The following PNKD variants were observed in gnomAD, a reference collection of about 807,000 sequenced individuals.
The protein encoded by PNKD is PNKD metallo-beta-lactamase domain containing.
Under a neutral mutation model 45.3 loss-of-function variants are expected in PNKD, and 36 were observed. The observed-to-expected ratio is 0.80, with a 90% CI of 0.61 to 1.05. The LOEUF is 1.05. Ranked by LOEUF, PNKD falls within the 50% of genes least tolerant of loss-of-function variation. The pLI, the probability that PNKD is intolerant of heterozygous loss-of-function variation, is 0.00. For synonymous variants in PNKD, 197 were observed against 210.1 expected (o/e 0.94, Z 0.54); for missense variants, 511 against 506.6 (o/e 1.01, Z -0.08).
chr2:218,325,198 CTT>C (rs746439948), intron 2 of PNKD, among the ~76,000 whole-genome samples: 30 of 39,762 alleles, frequency 7.5e-4, no homozygotes, highest in African/African-American at 3.5e-3. Context: ...CGCACCCGGC[CTT>C]TTTTTTTTTT....
chr2:218,271,690 A>C, intron 2 of PNKD, 141 bp downstream of exon 2: 10 of 718,422 alleles, frequency 1.4e-5, no homozygotes, highest in Non-Finnish European at 2.4e-5. Flanking sequence ...TTGGAATCTC[A>C]GAGGGGTGGG....
intron 2 of PNKD, chr2:218,279,632 A>C (rs1574636958): frequency 2.1e-6 from 1 of 486,134 alleles, no homozygotes; most frequent in Non-Finnish European, 3.7e-6. Flanking sequence ...TGGCCTCTGC[A>C]CTCCCAGCAG....
At chr2:218,298,009 A>AG (rs1422773695) in intron 2 of PNKD, among the ~76,000 whole-genome samples, 7 of 151,614 alleles carry the variant, frequency 4.6e-5, no homozygotes, top group African/African-American at 1.7e-4. Context: ...AAAAAAAAAA[A>AG]AAAGAGAGAG....
chr2:218,270,614 G>A lies in PNKD; in HGVS notation c.67+12G>A, dbSNP rs964681626. 7.8e-6 allele frequency: 7 copies of A among 893,240 alleles called. No individual in the cohort carries two copies. Among genetic ancestry groups the A allele is most frequent in the Non-Finnish European group, 4.6e-6 (3 of 652,766 alleles). The allele number at this position is 893,240 out of a possible 1,614,324, so 55.3% of individuals were successfully genotyped here. On this transcript the variant is annotated intron_variant, in intron 1 of 9. Coordinates refer to ENST00000273077, the MANE Select transcript of PNKD (RefSeq NM_015488.5). ...CCGCGTCCTCCGGGGTAAGGAGAGG[G>A]ACCCCGGGGAGGGCAGGACTGCAGA...
At chr2:218,272,383 GT>G (rs1690876920) in intron 2 of PNKD, among the ~76,000 whole-genome samples, 2 of 152,356 alleles carry the variant, frequency 1.3e-5, no homozygotes, top group Admixed American at 6.5e-5. Context: ...GAGTTACGGG[GT>G]TTTAAGCAGG....
At position 218,345,278 on chromosome 2, in the gene PNKD, T is replaced by G; in HGVS notation, c.*297T>G. ...ACCAACTGGGAGGGTCCCCTCCTCC[T>G]TCCCTACTCCTGGGACGGCAGCAAG... On this transcript the variant is annotated 3_prime_UTR_variant, in exon 10 of 10. Coordinates refer to ENST00000273077, the MANE Select transcript of PNKD (RefSeq NM_015488.5). 3 of 351,190 alleles carry G rather than the reference T, an allele frequency of 8.5e-6. No individual in the cohort carries two copies. Among genetic ancestry groups the G allele is most frequent in the Non-Finnish European group, 1.6e-5 (3 of 190,968 alleles). The allele number at this position is 351,190 out of a possible 1,614,324, so 21.8% of individuals were successfully genotyped here.
chr2:218,328,968 G>T (rs919424189), intron 2 of PNKD, among the ~76,000 whole-genome samples: 4 of 152,172 alleles, frequency 2.6e-5, no homozygotes, highest in Non-Finnish European at 5.9e-5. Context: ...AGCACTTTGG[G>T]AGGCCAAGGC....
intron 2 of PNKD, chr2:218,281,863 G>A: frequency 9.0e-7 from 1 of 1,110,444 alleles, no homozygotes; most frequent in Non-Finnish European, 1.3e-6. Flanking sequence ...AAGAGAAAAG[G>A]GGCAGGAGGC....
intron 7 of PNKD, 70 bp downstream of exon 7, chr2:218,342,214 C>T: frequency 1.5e-6 from 2 of 1,301,234 alleles, no homozygotes; most frequent in Middle Eastern, 2.1e-4. Context: ...GCCACAGTCC[C>T]ATGGAGAGCA....
At chr2:218,328,399 C>A (rs796144177) in intron 2 of PNKD, among the ~76,000 whole-genome samples, 1 of 152,302 alleles carries the variant, frequency 6.6e-6, no homozygotes, top group African/African-American at 2.4e-5. Flanking sequence ...TGCACCCTGT[C>A]CCCTCTCTGG....
chr2:218,275,736 T>C, intron 2 of PNKD: 3 of 1,270,514 alleles, frequency 2.4e-6, no homozygotes, highest in Non-Finnish European at 3.3e-6. Flanking sequence ...AGGGCCACAT[T>C]AACGCACAGC....
In PNKD at chr2:218,303,552, C is replaced by G. The variant is rs1693328129; in HGVS notation, c.236+32003C>G. On this transcript the variant is annotated intron_variant, in intron 2 of 9. Transcript: ENST00000273077. ...ACCCTGAGGTGTCAATACCCCACGA[C>G]CCCCATCCCAGACCTGCACTTCTTT... Among the ~76,000 whole-genome samples, 9 of 150,782 alleles carry G rather than the reference C, an allele frequency of 6.0e-5. No homozygotes were observed. The South Asian group carries it at 1.9e-3, about 32-fold the overall frequency.
chr2:218,271,145 C>T, intron 1 of PNKD: 1 of 583,608 alleles, frequency 1.7e-6, no homozygotes. Flanking sequence ...CGAAGCTTTT[C>T]GTCCTGGCAC....
intron 2 of PNKD, chr2:218,286,933 G>A (rs758146150): frequency 2.0e-5 from 3 of 152,190 alleles, no homozygotes; most frequent in African/African-American, 4.8e-5. Context: ...CAGATCTGAC[G>A]ATTTGTTCCC....
Position 218,340,673 on chromosome 2 carries a change from T to C in PNKD, c.466-55T>C. On this transcript the variant is annotated intron_variant, in intron 4 of 9. Transcript: ENST00000273077. This position sits in a 1 kb window ranked among gnomAD's most constrained non-coding sequence, Gnocchi z 4.2. ...CGCCCACACTCCTGGCTCTTGCTGC[T>C]TCAAGTGCCTCTTGCATCCTGCTCC... 1 of 1,346,094 alleles carries C rather than the reference T, an allele frequency of 7.4e-7. No homozygotes were observed. Among genetic ancestry groups the C allele is most frequent in the Non-Finnish European group, 1.1e-6 (1 of 935,618 alleles). The allele number at this position is 1,346,094 out of a possible 1,614,324, so 83.4% of individuals were successfully genotyped here. A position where few individuals can be genotyped will look rare whatever the true frequency, so the allele number is the denominator to read the frequency against.
In PNKD at chr2:218,270,531, T is replaced by C. The variant is rs552943410; in HGVS notation, c.-5T>C. Reference sequence around the variant, plus strand: ...AGCGCGGTGAAGCGGGGGTGGGATCTGAACATGGCGGCGGTGGTAGCTGCT... The same window carrying C: ...AGCGCGGTGAAGCGGGGGTGGGATCCGAACATGGCGGCGGTGGTAGCTGCT... On this transcript the variant is annotated 5_prime_UTR_variant, in exon 1 of 10. Transcript: ENST00000273077. The C allele has an allele frequency of 2.4e-6, 3 of 1,228,440 alleles. No homozygotes were observed. Among genetic ancestry groups the C allele is most frequent in the African/African-American group, 3.1e-5 (2 of 64,096 alleles). 76.1% of individuals were successfully genotyped at this position (1,228,440 alleles called of 1,614,324 possible). A position where few individuals can be genotyped will look rare whatever the true frequency, so the allele number is the denominator to read the frequency against.
chr2:218,276,773 T>C (rs530899120), intron 2 of PNKD, among the ~76,000 whole-genome samples: 1 of 152,210 alleles, frequency 6.6e-6, no homozygotes, highest in East Asian at 1.9e-4. Flanking sequence ...AGTGCAGTGA[T>C]GCAGTCCAGG....
intron 2 of PNKD, among the ~76,000 whole-genome samples, chr2:218,325,102 T>C (rs1233630113): frequency 4.9e-5 from 7 of 141,476 alleles, no homozygotes; most frequent in South Asian, 2.4e-4. Flanking sequence ...GGTTTCACCG[T>C]GTTGGTCAGG....
chr2:218,277,826 G>A, intron 2 of PNKD: 1 of 1,555,832 alleles, frequency 6.4e-7, no homozygotes, highest in Non-Finnish European at 8.8e-7. Flanking sequence ...GCCCAGATAA[G>A]GTGGAGGAGA....
Sources: allele counts gnomAD v4.1 joint callset (sites outside exome capture counted in the v4.1 genomes callset), GRCh38; gene constraint gnomAD v4.1.1; non-coding constraint Gnocchi (gnomAD v3.1); transcripts MANE v1.5; gene names NCBI Gene and HGNC (gene_info 2026-07-23, HGNC 2026-07-21).